The following STK32B variants were observed in gnomAD, a reference collection of about 807,000 sequenced individuals.
STK32B encodes the protein serine/threonine-protein kinase 32B.
STK32B carries 43 observed loss-of-function variants against 52.6 expected under a neutral mutation model. The observed-to-expected ratio is 0.82, with a 90% CI of 0.64 to 1.05. The LOEUF (loss-of-function observed/expected upper bound fraction) is 1.05. STK32B is among the 50% of genes least tolerant of loss of function. STK32B has a pLI of 0.00. For synonymous variants in STK32B, 238 were observed against 204.3 expected (o/e 1.17, Z -1.41); for missense variants, 621 against 534.6 (o/e 1.16, Z -1.59).
At chr4:5,414,946 G>C (rs966344861) in intron 5 of STK32B, among the ~76,000 whole-genome samples, 4 of 152,230 alleles carry the variant, frequency 2.6e-5, no homozygotes, top group Non-Finnish European at 5.9e-5. Context: ...ATATTTGAAG[G>C]CTTCATAGTC....
intron 3 of STK32B, among the ~76,000 whole-genome samples, chr4:5,240,347 A>G (rs73081665): frequency 6.6e-6 from 1 of 152,064 alleles, no homozygotes; most frequent in South Asian, 2.1e-4. Flanking sequence ...ACTCCTAAGT[A>G]TTAATCTTTT....
chr4:5,096,814 T>C (rs992218483), intron 1 of STK32B, among the ~76,000 whole-genome samples: 12 of 152,292 alleles, frequency 7.9e-5, no homozygotes, highest in South Asian at 4.1e-4. Flanking sequence ...AAGGAGCAGA[T>C]ATTAACACTC....
At chr4:5,421,706 C>T (rs1712665079) in intron 6 of STK32B, among the ~76,000 whole-genome samples, 1 of 152,226 alleles carries the variant, frequency 6.6e-6, no homozygotes, top group South Asian at 2.1e-4. Flanking sequence ...GCCATGGGGA[C>T]CCAGCTGGGC....
At chr4:5,190,886 C>T (rs1161358002) in intron 3 of STK32B, among the ~76,000 whole-genome samples, 1 of 152,132 alleles carries the variant, frequency 6.6e-6, no homozygotes, top group Non-Finnish European at 1.5e-5. Context: ...AGTGATTGTC[C>T]AGGGCCACAT....
chr4:5,382,378 A>G (rs1735987215), intron 4 of STK32B, among the ~76,000 whole-genome samples: 1 of 152,162 alleles, frequency 6.6e-6, no homozygotes, highest in Admixed American at 6.5e-5. Context: ...AATCAAATGA[A>G]ATAATACATG....
At chr4:5,488,629 C>T (rs181188393) in intron 11 of STK32B, among the ~76,000 whole-genome samples, 29 of 152,284 alleles carry the variant, frequency 1.9e-4, no homozygotes, top group Admixed American at 4.6e-4. Flanking sequence ...AAATATTCTG[C>T]TTTGTCTTCT....
chr4:5,102,741 C>T (rs1713879000), intron 1 of STK32B, among the ~76,000 whole-genome samples: 2 of 150,942 alleles, frequency 1.3e-5, no homozygotes, highest in African/African-American at 4.9e-5. Context: ...TACGGTTTTA[C>T]CATTTTGGCC....
At chr4:5,153,716 T>C (rs1717562598) in intron 2 of STK32B, among the ~76,000 whole-genome samples, 1 of 152,152 alleles carries the variant, frequency 6.6e-6, no homozygotes, top group African/African-American at 2.4e-5. Flanking sequence ...AATAAAATCA[T>C]ACAGATTTAC....
chr4:5,243,887 A>C (rs1352834427), intron 3 of STK32B, among the ~76,000 whole-genome samples: 1 of 152,128 alleles, frequency 6.6e-6, no homozygotes, highest in African/African-American at 2.4e-5. Context: ...ATGTTTACTG[A>C]TGTTCGTATG....
At chr4:5,203,960 G>GAAGTCATAATGCATTCTCCATAGCACA (rs1189801308) in intron 3 of STK32B, 1 of 152,212 alleles carries the variant, frequency 6.6e-6, no homozygotes, top group East Asian at 1.9e-4. Flanking sequence ...ATTGAGGTAC[G>GAAGTCATAATGCATTCTCCATAGCACA]AAGTCATAAT....
intron 6 of STK32B, among the ~76,000 whole-genome samples, chr4:5,426,692 C>CAAAAA (rs746246839): frequency 0.012 from 954 of 77,334 alleles, 43 homozygotes; most frequent in African/African-American, 0.028. Context: ...TCCATCTAAA[C>CAAAAA]AAAAAAAAAA....
intron 3 of STK32B, among the ~76,000 whole-genome samples, chr4:5,171,056 A>G (rs1719330586): frequency 6.6e-6 from 1 of 152,222 alleles, no homozygotes. Flanking sequence ...TCTGATGACC[A>G]GTGATGATGA....
intron 4 of STK32B, among the ~76,000 whole-genome samples, chr4:5,334,010 G>A (rs1224648496): frequency 6.6e-6 from 1 of 152,162 alleles, no homozygotes; most frequent in African/African-American, 2.4e-5. Flanking sequence ...CCAATTCTGT[G>A]AAGAAAGTCA....
chr4:5,020,939 C>T, the STK32B span, among the ~76,000 whole-genome samples: 1 of 152,158 alleles, frequency 6.6e-6, no homozygotes, highest in Non-Finnish European at 1.5e-5. Context: ...TATGTCTGGA[C>T]TTTCCTGCCT....
chr4:5,054,599 C>T (rs770495994), intron 1 of STK32B, among the ~76,000 whole-genome samples: 7 of 152,158 alleles, frequency 4.6e-5, no homozygotes, highest in Non-Finnish European at 7.3e-5. Context: ...GCCTGGCCGG[C>T]CTTAAAGGGC....
At chr4:5,431,694 G>A (rs951015438) in intron 6 of STK32B, among the ~76,000 whole-genome samples, 2 of 152,070 alleles carry the variant, frequency 1.3e-5, no homozygotes, top group African/African-American at 2.4e-5. Flanking sequence ...ACAGCTGAGC[G>A]GTTTCTTGCA....
At chr4:5,440,537 A>ATT (rs1384096821) in intron 6 of STK32B, among the ~76,000 whole-genome samples, 1 of 152,208 alleles carries the variant, frequency 6.6e-6, no homozygotes, top group African/African-American at 2.4e-5. Context: ...ATATACAATC[A>ATT]TGTCATCTGC....
At position 5,468,444 on chromosome 4, in the gene STK32B, G is replaced by A. The variant is rs185529871; in HGVS notation, c.1106+374G>A. ...GGCTCTGCCACTGCAGAGTGACCTT[G>A]CCCTGCCTGAGCCTCCTGGTCAGCA... On this transcript the variant is annotated intron_variant, in intron 11 of 11. Coordinates refer to ENST00000282908, the MANE Select transcript of STK32B (RefSeq NM_018401.3). 3.6e-3 allele frequency among the ~76,000 whole-genome samples: 554 copies of A among 152,322 alleles called. 4 individuals are homozygous for A. The highest frequency in any genetic ancestry group is 5.8e-3 in the Non-Finnish European group (394 of 68,032).
intron 2 of STK32B, among the ~76,000 whole-genome samples, chr4:5,164,387 G>T (rs879696500): frequency 2.0e-5 from 3 of 152,084 alleles, no homozygotes; most frequent in African/African-American, 4.8e-5. Flanking sequence ...TTCTAAGGAC[G>T]CTTGTCATTT....
Sources: gnomAD v4.1 joint callset for allele counts (sites outside exome capture counted in the v4.1 genomes callset) on GRCh38, gnomAD v4.1.1 for gene constraint, MANE v1.5 for transcripts, NCBI Gene and HGNC (gene_info 2026-07-23, HGNC 2026-07-21) for gene names.